The following FAM222A variants were observed in gnomAD, a reference collection of about 807,000 sequenced individuals.
FAM222A encodes family with sequence similarity 222 member A.
In FAM222A, 7 loss-of-function variants were observed where a neutral mutation model predicts 25.8. The observed-to-expected ratio is 0.27, with a 90% CI of 0.15 to 0.51. The LOEUF (loss-of-function observed/expected upper bound fraction) is 0.51. Among genes scored for constraint, FAM222A ranks in the 20% least tolerant of loss-of-function variants. FAM222A has a pLI of 0.97. For synonymous variants in FAM222A, 294 were observed against 298.8 expected, an observed-to-expected ratio of 0.98 and a Z score of 0.17; for missense variants, 573 against 640.5, an observed-to-expected ratio of 0.89 and a Z score of 1.14.
intron 1 of FAM222A, among the ~76,000 whole-genome samples, chr12:109,733,816 A>G (rs1487862771): frequency 6.6e-6 from 1 of 152,214 alleles, no homozygotes; most frequent in Admixed American, 6.5e-5. Context: ...TGAGAGGACC[A>G]GAAAGCAAGC....
At chr12:109,725,261 GC>G (rs1566184519) in intron 1 of FAM222A, among the ~76,000 whole-genome samples, 1 of 152,080 alleles carries the variant, frequency 6.6e-6, no homozygotes. Flanking sequence ...GCTGTGCTAG[GC>G]CCTCCCTGAA....
chr12:109,728,391 T>A (rs756208890), intron 1 of FAM222A, among the ~76,000 whole-genome samples: 23 of 152,156 alleles, frequency 1.5e-4, no homozygotes, highest in Non-Finnish European at 2.8e-4. Context: ...GCCCAGCCCT[T>A]AGTCTCTTCC....
chr12:109,768,966 C>T lies in FAM222A; in HGVS notation c.1037C>T (p.Ala346Val), dbSNP rs542271980. 115 of 1,570,856 alleles carry T rather than the reference C, an allele frequency of 7.3e-5. No individual in the cohort carries two copies. Among genetic ancestry groups the T allele is most frequent in the South Asian group, 2.3e-4 (20 of 86,882 alleles). ...PTSFTVGQYF[A>V]APWNSVLVTP... The stretch of plus-strand genomic sequence containing the variant: ...AGCTTCACCGTAGGCCAGTACTTTG[C>T]GGCCCCGTGGAACAGTGTGCTGGTG... Residue 346 changes from alanine (A) to valine (V), a missense_variant, in exon 3 of 3, where the codon GCG (alanine) becomes GTG (valine). By Grantham distance (64) the Ala-to-Val change is moderately conservative (BLOSUM62 0). This residue lies in a region of FAM222A where 412 missense variants were observed against 407.0 expected (regional missense o/e 1.01). Coordinates refer to ENST00000538780, the MANE Select transcript of FAM222A (RefSeq NM_032829.3).
chr12:109,765,433 A>G (rs1889018584), intron 2 of FAM222A, among the ~76,000 whole-genome samples: 1 of 151,782 alleles, frequency 6.6e-6, no homozygotes, highest in Admixed American at 6.6e-5. Context: ...TTCTCTCTGC[A>G]AGCCTGCCCC....
chr12:109,732,559 T>C (rs1273121824), intron 1 of FAM222A, among the ~76,000 whole-genome samples: 1 of 152,230 alleles, frequency 6.6e-6, no homozygotes, highest in Non-Finnish European at 1.5e-5. Flanking sequence ...TTTGTAACCG[T>C]CACCAGGCAA....
chr12:109,753,657 TGTC>T (rs1432685144), intron 2 of FAM222A, among the ~76,000 whole-genome samples: 1 of 152,058 alleles, frequency 6.6e-6, no homozygotes, highest in Non-Finnish European at 1.5e-5. Context: ...TTGAAGGGCT[TGTC>T]GTCCAAGAGG....
chr12:109,744,801 T>G (rs1464583033), intron 2 of FAM222A: 2 of 981,822 alleles, frequency 2.0e-6, no homozygotes. Flanking sequence ...AGATTTGCAT[T>G]AAAATATGGA....
In FAM222A at chr12:109,769,377, T is replaced by C; in HGVS notation, c.*89T>C. On this transcript the variant is annotated 3_prime_UTR_variant, in exon 3 of 3. Transcript: ENST00000538780. ...CAGGGTGGGCGGCTCGCAGGGGCGC[T>C]CAGCCCCACCCTGTGCCTGCTGATG... 2 of 1,425,004 alleles carry C rather than the reference T, an allele frequency of 1.4e-6. No individual in the cohort carries two copies. The highest frequency in any genetic ancestry group is 2.5e-5 in the East Asian group (1 of 40,018). 88.3% of individuals were successfully genotyped at this position (1,425,004 alleles called of 1,614,324 possible).
intron 2 of FAM222A, among the ~76,000 whole-genome samples, chr12:109,767,001 TC>T (rs1889069769): frequency 6.7e-6 from 1 of 150,346 alleles, no homozygotes; most frequent in South Asian, 2.1e-4. Flanking sequence ...GCTCAGGTGA[TC>T]CTCCCACCTC....
At chr12:109,716,151 C>A (rs1425917629) in intron 1 of FAM222A, among the ~76,000 whole-genome samples, 1 of 152,172 alleles carries the variant, frequency 6.6e-6, no homozygotes, top group African/African-American at 2.4e-5. Context: ...GTGTCTCTGT[C>A]AGGGCACCCC....
chr12:109,720,330 GGGAGGGGGGCCTCCCTTGGAGGA>G (rs1264164998), intron 1 of FAM222A, among the ~76,000 whole-genome samples: 2 of 152,230 alleles, frequency 1.3e-5, no homozygotes, highest in African/African-American at 4.8e-5. Flanking sequence ...AGAGTCTGTG[GGGAGGGGGGCCTCCCTTGGAGGA>G]GGAGGGAGGT....
chr12:109,746,256 A>G (rs1186704450), intron 2 of FAM222A, among the ~76,000 whole-genome samples: 2 of 152,192 alleles, frequency 1.3e-5, no homozygotes, highest in African/African-American at 2.4e-5. Flanking sequence ...TGGGAGGCCA[A>G]TGCAGGTGGA....
rs575562195 is a variant in FAM222A at position 109,724,432 on chromosome 12, C to T, written c.-47+9535C>T. Among the ~76,000 whole-genome samples the T allele has an allele frequency of 2.6e-5, 4 of 152,376 alleles. No homozygotes were observed. The South Asian group carries it at 8.3e-4, about 32-fold the overall frequency. The stretch of plus-strand genomic sequence containing the variant: ...CAGGAGGCTGGGGCTGACCAGGCCT[C>T]ACAGACTCCCTTCTTCCCAGTGGTG... On this transcript the variant is annotated intron_variant, in intron 1 of 2. Coordinates refer to ENST00000538780, the MANE Select transcript of FAM222A (RefSeq NM_032829.3).
Position 109,769,062 on chromosome 12 carries a change from G to A in FAM222A, c.1133G>A (p.Arg378Gln), listed in dbSNP as rs746362704. ...VVTELGPGAA[R>Q]ELAGPPADAL... ...ACGGAGCTGGGGCCGGGGGCAGCCCGGGAGCTGGCTGGGCCCCCTGCAGAT... is the reference window on the plus strand; with the variant it reads ...ACGGAGCTGGGGCCGGGGGCAGCCCAGGAGCTGGCTGGGCCCCCTGCAGAT... Residue 378 changes from arginine (R) to glutamine (Q), a missense_variant, in exon 3 of 3, where the codon CGG becomes CAG. By Grantham distance (43) the Arg-to-Gln change is conservative. Coordinates refer to ENST00000538780, the MANE Select transcript of FAM222A (RefSeq NM_032829.3). The A allele has an allele frequency of 2.7e-5, 43 of 1,594,938 alleles. No homozygotes were observed. Among genetic ancestry groups the A allele is most frequent in the Admixed American group, 2.4e-4 (14 of 57,644 alleles).
intron 2 of FAM222A, chr12:109,744,824 C>G (rs1951102282): frequency 4.1e-5 from 40 of 976,266 alleles, no homozygotes; most frequent in Non-Finnish European, 4.9e-5. Context: ...TCTACTATCT[C>G]TTGAAAAAAA....
At chr12:109,739,511 G>A (rs1484249561) in intron 1 of FAM222A, among the ~76,000 whole-genome samples, 3 of 152,188 alleles carry the variant, frequency 2.0e-5, no homozygotes, top group Non-Finnish European at 4.4e-5. Context: ...TCTCAGTGTT[G>A]TTCTGCCCAA....
At chr12:109,732,752 A>G (rs1467660801) in intron 1 of FAM222A, among the ~76,000 whole-genome samples, 4 of 152,234 alleles carry the variant, frequency 2.6e-5, no homozygotes, top group Non-Finnish European at 5.9e-5. Flanking sequence ...ACACACACAC[A>G]CATACATTCC....
intron 1 of FAM222A, chr12:109,720,100 C>T: frequency 4.1e-6 from 4 of 985,432 alleles, no homozygotes; most frequent in South Asian, 4.7e-5. Flanking sequence ...CTGAGCCCCT[C>T]AGAGCTGGGT....
intron 1 of FAM222A, among the ~76,000 whole-genome samples, chr12:109,732,113 A>G (rs1018530556): frequency 5.3e-5 from 8 of 152,014 alleles, no homozygotes; most frequent in African/African-American, 1.2e-4. Flanking sequence ...GAGCCCCCCA[A>G]CTAAACCCTG....
Sources: gnomAD v4.1 joint callset for allele counts (sites outside exome capture counted in the v4.1 genomes callset) on GRCh38, gnomAD v4.1.1 for gene constraint, gnomAD v4.1.1 regional missense constraint, MANE v1.5 for transcripts, NCBI Gene and HGNC (gene_info 2026-07-23, HGNC 2026-07-21) for gene names.